The following FSTL4 variants were observed in gnomAD, a reference collection of about 807,000 sequenced individuals.
The protein encoded by FSTL4 is follistatin like 4.
FSTL4 carries 28 observed loss-of-function variants against 78.2 expected under a neutral mutation model. That is an observed-to-expected ratio of 0.36 (90% CI 0.27 to 0.49). The LOEUF is 0.49. Ranked by LOEUF, FSTL4 falls within the 20% of genes least tolerant of loss-of-function variation. The pLI is 0.98. For synonymous variants in FSTL4, 422 were observed against 440.5 expected, an observed-to-expected ratio of 0.96 and a Z score of 0.53; for missense variants, 922 against 1,084.9, an observed-to-expected ratio of 0.85 and a Z score of 2.11.
chr5:133,222,711 C>T (rs990970709), intron 11 of FSTL4, among the ~76,000 whole-genome samples: 1 of 152,210 alleles, frequency 6.6e-6, no homozygotes, highest in African/African-American at 2.4e-5. Flanking sequence ...ATTGACTTCA[C>T]GGGATACCCA....
In FSTL4 at chr5:133,490,740, G is replaced by T. The variant is rs1758250956; in HGVS notation, c.160+76446C>A. On this transcript the variant is annotated intron_variant, in intron 3 of 15. Transcript: ENST00000265342. Reference sequence around the variant, plus strand: ...TGGTGCAAATTAGTTAAGGAATATGGCCTATCAATTAGTTGGTATTTGTTA... The same window carrying T: ...TGGTGCAAATTAGTTAAGGAATATGTCCTATCAATTAGTTGGTATTTGTTA... Among the ~76,000 whole-genome samples, 3 of 152,150 alleles carry T rather than the reference G, an allele frequency of 2.0e-5. No individual in the cohort carries two copies. In the South Asian group the frequency reaches 6.2e-4, roughly 32 times the overall value.
the FSTL4 span, among the ~76,000 whole-genome samples, chr5:133,804,836 C>G: frequency 6.8e-6 from 1 of 146,066 alleles, no homozygotes; most frequent in Non-Finnish European, 1.5e-5. Flanking sequence ...CCCAGCTACT[C>G]GGGAGGCTGA....
the FSTL4 span, among the ~76,000 whole-genome samples, chr5:133,829,278 T>TCCCAG: frequency 6.6e-6 from 1 of 152,082 alleles, no homozygotes; most frequent in Admixed American, 6.5e-5. Flanking sequence ...GTGCCTGTAG[T>TCCCAG]CCCAGCTACT....
At chr5:133,229,548 G>T (rs1022082507) in intron 8 of FSTL4, among the ~76,000 whole-genome samples, 1 of 152,082 alleles carries the variant, frequency 6.6e-6, no homozygotes, top group Admixed American at 6.6e-5. Flanking sequence ...GTTGGTCAGG[G>T]CTTGACAAAA....
chr5:133,327,930 G>C (rs906580420), intron 4 of FSTL4, among the ~76,000 whole-genome samples: 9 of 152,166 alleles, frequency 5.9e-5, no homozygotes, highest in Admixed American at 3.3e-4. Flanking sequence ...ATCCTCCCAG[G>C]ATTCAAAGAG....
chr5:133,238,851 C>T (rs1435177759), intron 7 of FSTL4, among the ~76,000 whole-genome samples: 3 of 152,238 alleles, frequency 2.0e-5, no homozygotes, highest in African/African-American at 7.2e-5. Context: ...AGCCCTTGCT[C>T]GCTCTCGGAG....
chr5:133,304,123 T>A (rs552751693), intron 6 of FSTL4, among the ~76,000 whole-genome samples: 1 of 152,332 alleles, frequency 6.6e-6, no homozygotes, highest in Admixed American at 6.5e-5. Context: ...AATGTGACCT[T>A]CAGTGCTTAA....
intron 4 of FSTL4, among the ~76,000 whole-genome samples, chr5:133,363,584 T>C (rs1755116752): frequency 6.6e-6 from 1 of 152,166 alleles, no homozygotes; most frequent in Non-Finnish European, 1.5e-5. Context: ...TGCCTTTTCA[T>C]TTCACTTTCC....
intron 3 of FSTL4, among the ~76,000 whole-genome samples, chr5:133,566,640 T>G (rs905826542): frequency 6.6e-6 from 1 of 152,234 alleles, no homozygotes; most frequent in Non-Finnish European, 1.5e-5. Context: ...CATATATGTT[T>G]ACCTCAGAGA....
chr5:133,770,849 TAC>T, the FSTL4 span, among the ~76,000 whole-genome samples: 2 of 152,256 alleles, frequency 1.3e-5, no homozygotes, highest in Admixed American at 1.3e-4. Context: ...CTAGGATTTT[TAC>T]AGTTTCAACT....
Position 133,426,302 on chromosome 5 carries a change from GA to G in FSTL4, c.161-25317del, listed in dbSNP as rs1276169482. 6.6e-6 allele frequency among the ~76,000 whole-genome samples: 1 copy of G among 152,182 alleles called. No homozygotes were observed. Among genetic ancestry groups the G allele is most frequent in the African/African-American group, 2.4e-5 (1 of 41,444 alleles). ...GATAGCCGGGAGTCTGGGGAGGTGA[GA>G]GGGGGAGACCTGCCTCCGTGGCTCT... On this transcript the variant is annotated intron_variant, in intron 3 of 15. Coordinates refer to ENST00000265342, the MANE Select transcript of FSTL4 (RefSeq NM_015082.2). The surrounding 1 kb of genome is among the most constrained non-coding windows in gnomAD (Gnocchi z 5.0).
intron 3 of FSTL4, among the ~76,000 whole-genome samples, chr5:133,432,639 C>G (rs1234340733): frequency 6.6e-6 from 1 of 152,184 alleles, no homozygotes; most frequent in Non-Finnish European, 1.5e-5. Context: ...ATGTGCTGTT[C>G]TAGGCACCAG....
the FSTL4 span, among the ~76,000 whole-genome samples, chr5:133,829,361 C>T: frequency 2.6e-5 from 4 of 151,612 alleles, no homozygotes; most frequent in South Asian, 8.4e-4. Context: ...ACTCCAGCCT[C>T]GGCAACAGAG....
chr5:133,393,301 T>C (rs1488836738), intron 4 of FSTL4, among the ~76,000 whole-genome samples: 3 of 152,200 alleles, frequency 2.0e-5, no homozygotes, highest in African/African-American at 7.2e-5. Context: ...TCCCAAAGGA[T>C]AACCCAGAGG....
At chr5:133,686,046 G>A in the FSTL4 span, among the ~76,000 whole-genome samples, 1 of 152,196 alleles carries the variant, frequency 6.6e-6, no homozygotes, top group African/African-American at 2.4e-5. Flanking sequence ...GGCGCCCACA[G>A]GACAGCACAG....
the FSTL4 span, among the ~76,000 whole-genome samples, chr5:133,828,006 G>A: frequency 6.6e-6 from 1 of 152,160 alleles, no homozygotes; most frequent in Admixed American, 6.5e-5. Flanking sequence ...AGGGAAGCCA[G>A]AGGGTTGGCC....
At chr5:133,805,261 C>G in the FSTL4 span, among the ~76,000 whole-genome samples, 1 of 152,078 alleles carries the variant, frequency 6.6e-6, no homozygotes. Context: ...CCTACTCTGC[C>G]AGGAGTCCAC....
intron 2 of FSTL4, among the ~76,000 whole-genome samples, chr5:133,576,342 TTAGGGAG>T (rs1341755887): frequency 6.6e-6 from 1 of 152,102 alleles, no homozygotes; most frequent in Non-Finnish European, 1.5e-5. Context: ...AGGTCTTTGG[TTAGGGAG>T]TAAGCCTCAG....
At chr5:133,647,639 A>C in the FSTL4 span, among the ~76,000 whole-genome samples, 1 of 152,218 alleles carries the variant, frequency 6.6e-6, no homozygotes, top group African/African-American at 2.4e-5. Flanking sequence ...GGAAAGATGC[A>C]CACACAGCCT....
Sources: gnomAD v4.1 joint callset for allele counts (sites outside exome capture counted in the v4.1 genomes callset) on GRCh38, gnomAD v4.1.1 for gene constraint, Gnocchi (gnomAD v3.1) non-coding constraint, MANE v1.5 for transcripts, NCBI Gene and HGNC (gene_info 2026-07-23, HGNC 2026-07-21) for gene names.